The following KRIT1 variants were observed in gnomAD, a reference collection of about 807,000 sequenced individuals.
The protein encoded by KRIT1 is KRIT1 ankyrin repeat containing.
In KRIT1, 45 loss-of-function variants were observed where a neutral mutation model predicts 95.8. The observed-to-expected ratio is 0.47, with a 90% CI of 0.37 to 0.60. KRIT1 has a LOEUF of 0.60. Among genes scored for constraint, KRIT1 ranks in the 20% least tolerant of loss-of-function variants. The pLI, the probability that KRIT1 is intolerant of heterozygous loss-of-function variation, is 0.00. For missense variants in KRIT1, 788 were observed against 877.5 expected (o/e 0.90, Z 1.29); for synonymous variants, 282 against 278.8 (o/e 1.01, Z -0.11).
rs754136772 is a variant in KRIT1, at chr7:92,213,199, G to A, written c.2021C>T (p.Thr674Ile). 1 of 1,603,000 alleles carries A rather than the reference G, an allele frequency of 6.2e-7. No individual in the cohort carries two copies. Among genetic ancestry groups the A allele is most frequent in the Non-Finnish European group, 8.5e-7 (1 of 1,170,270 alleles). The change falls in exon 17 of 19, where the codon ACT becomes ATT. Residue 674 changes from threonine (T) to isoleucine (I), a missense_variant. By Grantham distance (89) the Thr-to-Ile change is moderately conservative. Around this residue, in one of 3 missense-constraint regions of KRIT1, gnomAD observed 493 missense variants for 582.3 expected, o/e 0.85. Transcript: ENST00000394505. ...AAAAAAGAGCTGAAAATCTACCTTA[G>A]TTTCCATGTTGAGGAGATGAAGTCC... ...IKGLHLLNME[T>I]KALLISLKYG...
Position 92,222,966 on chromosome 7 carries a change from G to T in KRIT1, c.1267C>A (p.Arg423=). ...EAINKPYEKV[R]IYRMDGSYRS... is the part of the protein sequence containing the mutation. The stretch of plus-strand genomic sequence containing the variant: ...TATGACCCATCCATTCTGTATATTC[G>T]AACTTTTTCATACTACAAGAAACGA... The change falls in exon 13 of 19, where the codon CGA becomes AGA. Residue 423 remains arginine (R), a synonymous_variant. Transcript: ENST00000394505. 6.2e-7 allele frequency: 1 copy of T among 1,607,562 alleles called. No individual in the cohort carries two copies. Among genetic ancestry groups the T allele is most frequent in the East Asian group, 2.2e-5 (1 of 44,798 alleles).
chr7:92,210,063 ACT>A (rs1482340218), intron 17 of KRIT1, among the ~76,000 whole-genome samples: 1 of 152,156 alleles, frequency 6.6e-6, no homozygotes, highest in East Asian at 1.9e-4. Context: ...ATGAAGCAAG[ACT>A]CTATCTCAAA....
chr7:92,233,516 C>G (rs944449566), intron 10 of KRIT1, among the ~76,000 whole-genome samples: 1 of 151,422 alleles, frequency 6.6e-6, no homozygotes, highest in Non-Finnish European at 1.5e-5. Flanking sequence ...AAGCTATTCT[C>G]CTGCCTCAGC....
At chr7:92,246,062 G>A, upstream of KRIT1, 1 of 282,088 alleles carries the variant, frequency 3.5e-6, no homozygotes, top group Non-Finnish European at 6.8e-6. Context: ...TAGGAGACTA[G>A]GGTGGTGGCG....
intron 3 of KRIT1, 61 bp from the exon 4 acceptor site, chr7:92,242,198 A>G: frequency 2.2e-6 from 2 of 904,408 alleles, no homozygotes; most frequent in Non-Finnish European, 1.8e-6. Flanking sequence ...ATGGCAAGAT[A>G]AAAAAAAGTA....
chr7:92,200,921 G>T, intron 18 of KRIT1, 117 bp from the exon 19 acceptor site: 1 of 750,166 alleles, frequency 1.3e-6, no homozygotes, highest in Non-Finnish European at 2.3e-6. Flanking sequence ...TCAGGAGACA[G>T]CTTGTTAAGA....
At chr7:92,222,682 T>C in intron 13 of KRIT1, 140 bp downstream of exon 13, 1 of 646,242 alleles carries the variant, frequency 1.5e-6, no homozygotes, top group Non-Finnish European at 2.7e-6. Context: ...GTTTGAACAC[T>C]AGTAATTTAT....
At chr7:92,233,752 A>G (rs540700160) in intron 10 of KRIT1, among the ~76,000 whole-genome samples, 111 of 152,224 alleles carry the variant, frequency 7.3e-4, no homozygotes, top group Non-Finnish European at 1.5e-3. Flanking sequence ...CAATAGGTGA[A>G]GAGCAACTTT....
At chr7:92,222,109 G>T in intron 13 of KRIT1, 56 bp from the exon 14 acceptor site, 2 of 1,324,166 alleles carry the variant, frequency 1.5e-6, no homozygotes, top group South Asian at 1.2e-5. Flanking sequence ...TTATATCAAT[G>T]CATAGAAACT....
At chr7:92,225,654 T>C in intron 12 of KRIT1, 66 bp downstream of exon 12, 1 of 927,766 alleles carries the variant, frequency 1.1e-6, no homozygotes, top group Non-Finnish European at 1.8e-6. Context: ...TTGCCACAGA[T>C]CCTCAAATTT....
At chr7:92,200,934 G>C (rs555199545) in intron 18 of KRIT1, 130 bp from the exon 19 acceptor site, 1 of 708,348 alleles carries the variant, frequency 1.4e-6, no homozygotes, top group Non-Finnish European at 2.5e-6. Context: ...TGTTAAGAGA[G>C]AGTATAGAGG....
chr7:92,234,035 A>T (rs1309444410), intron 10 of KRIT1, among the ~76,000 whole-genome samples: 2 of 152,242 alleles, frequency 1.3e-5, no homozygotes, highest in African/African-American at 2.4e-5. Flanking sequence ...CACTAAAAGG[A>T]TACTTTTATA....
At position 92,226,700 on chromosome 7, in the gene KRIT1, C is replaced by A. The variant is rs1365958673; in HGVS notation, c.990-18G>T. ...TTCCATACCTGTATAAAAAAACAAA[C>A]AAACAAAAAACAACAACAAAAAAAA... On this transcript the variant is annotated intron_variant, in intron 10 of 18. Transcript: ENST00000394505. The A allele has an allele frequency of 2.5e-6, 4 of 1,610,152 alleles. No individual in the cohort carries two copies. Among genetic ancestry groups the A allele is most frequent in the Non-Finnish European group, 2.5e-6 (3 of 1,178,272 alleles).
At chr7:92,205,681 A>C (rs1291605070) in intron 17 of KRIT1, 1 of 152,170 alleles carries the variant, frequency 6.6e-6, no homozygotes, top group Non-Finnish European at 1.5e-5. Context: ...GGTTGTAGTG[A>C]GCCAAGATCA....
At chr7:92,233,345 C>T (rs979213491) in intron 10 of KRIT1, among the ~76,000 whole-genome samples, 1 of 151,708 alleles carries the variant, frequency 6.6e-6, no homozygotes, top group Non-Finnish European at 1.5e-5. Context: ...AAGTGAATTA[C>T]CTTGCTCAAT....
chr7:92,213,099 C>A, intron 17 of KRIT1, 96 bp downstream of exon 17: 1 of 818,654 alleles, frequency 1.2e-6, no homozygotes, highest in Non-Finnish European at 2.1e-6. Context: ...AATGAACAGT[C>A]TTGTATATAT....
intron 17 of KRIT1, 47 bp from the exon 18 acceptor site, chr7:92,201,470 T>A (rs958619490): frequency 2.3e-6 from 2 of 886,456 alleles, no homozygotes; most frequent in African/African-American, 3.3e-5. Flanking sequence ...TATTAAAAAC[T>A]TCACCTATTT....
At chr7:92,215,724 G>C (rs904317720) in intron 14 of KRIT1, among the ~76,000 whole-genome samples, 2 of 151,288 alleles carry the variant, frequency 1.3e-5, no homozygotes, top group Admixed American at 1.3e-4. Flanking sequence ...CCAAAGTGTT[G>C]GGACTACAGG....
intron 5 of KRIT1, among the ~76,000 whole-genome samples, chr7:92,239,707 C>CTTTT (rs35969231): frequency 7.5e-5 from 10 of 132,600 alleles, no homozygotes; most frequent in South Asian, 2.4e-4. Context: ...TATGCAGGAA[C>CTTTT]TTTTTTTTTT....
Sources: allele counts gnomAD v4.1 joint callset (sites outside exome capture counted in the v4.1 genomes callset), GRCh38; gene constraint gnomAD v4.1.1; regional missense constraint gnomAD v4.1.1; transcripts MANE v1.5; gene names NCBI Gene and HGNC (gene_info 2026-07-23, HGNC 2026-07-21).